The following IGSF21 variants were observed in gnomAD, a reference collection of about 807,000 sequenced individuals.
IGSF21 encodes immunoglobin superfamily member 21.
IGSF21 carries 28 observed loss-of-function variants against 46.8 expected under a neutral mutation model. That is an observed-to-expected ratio of 0.60 (90% CI 0.44 to 0.82). The LOEUF (loss-of-function observed/expected upper bound fraction) is 0.82. IGSF21 is among the 40% of genes least tolerant of loss of function. The pLI is 0.00. For missense variants in IGSF21, 624 were observed against 665.5 expected, an observed-to-expected ratio of 0.94 and a Z score of 0.69; for synonymous variants, 284 against 273.6, an observed-to-expected ratio of 1.04 and a Z score of -0.38.
chr1:18,325,998 TGAG>T lies in IGSF21; in HGVS notation c.306-8889_306-8887del, dbSNP rs1442486643. Among the ~76,000 whole-genome samples, 8 of 152,296 alleles carry T rather than the reference TGAG, an allele frequency of 5.3e-5. No individual in the cohort carries two copies. The South Asian group carries it at 1.0e-3, about 20-fold the overall frequency. On this transcript the variant is annotated intron_variant, in intron 3 of 9. Transcript: ENST00000251296. Reference sequence around the variant, plus strand: ...GCCACCTCTGCCAATTACACAGGTGTGAGGAGGTGGGGGGAAGAGCAGAGACCT... The same window carrying T: ...GCCACCTCTGCCAATTACACAGGTGTGAGGTGGGGGGAAGAGCAGAGACCT...
At chr1:18,190,023 T>C (rs1410894310) in intron 1 of IGSF21, among the ~76,000 whole-genome samples, 1 of 152,180 alleles carries the variant, frequency 6.6e-6, no homozygotes, top group Non-Finnish European at 1.5e-5. Flanking sequence ...GACTCCTCCC[T>C]TGGTGGGCCA....
chr1:18,137,509 A>C (rs1369505625), intron 1 of IGSF21, among the ~76,000 whole-genome samples: 1 of 152,152 alleles, frequency 6.6e-6, no homozygotes, highest in African/African-American at 2.4e-5. Context: ...GCTCTGAGAC[A>C]TGCAGTCACT....
intron 1 of IGSF21, among the ~76,000 whole-genome samples, chr1:18,190,013 G>C (rs966599661): frequency 6.6e-6 from 1 of 152,202 alleles, no homozygotes; most frequent in African/African-American, 2.4e-5. Flanking sequence ...GGGGGATGGG[G>C]ACTCCTCCCT....
chr1:18,300,764 C>T lies in IGSF21; in HGVS notation c.305+8777C>T, dbSNP rs983985176. Among the ~76,000 whole-genome samples, 8 of 152,130 alleles carry T rather than the reference C, an allele frequency of 5.3e-5. No individual in the cohort carries two copies. In the East Asian group the frequency reaches 1.5e-3, roughly 29 times the overall value. On this transcript the variant is annotated intron_variant, in intron 3 of 9. Coordinates refer to ENST00000251296, the MANE Select transcript of IGSF21 (RefSeq NM_032880.5). ...CAGAGATAGAGTGTGCGCATGCTTT[C>T]CAGCTAGAAGTTCCACTGGACCCAA...
intron 2 of IGSF21, among the ~76,000 whole-genome samples, chr1:18,242,875 C>T (rs944257663): frequency 2.6e-5 from 4 of 152,216 alleles, no homozygotes; most frequent in Non-Finnish European, 4.4e-5. Flanking sequence ...CCCTGGCTCA[C>T]ACTCTGCTGG....
At chr1:18,166,957 G>A (rs954999177) in intron 1 of IGSF21, 3 of 153,486 alleles carry the variant, frequency 2.0e-5, no homozygotes, top group East Asian at 1.9e-4. Flanking sequence ...CTGTCTACTC[G>A]AGAGTTTCTG....
At chr1:18,347,210 C>T (rs2085903232) in intron 4 of IGSF21, among the ~76,000 whole-genome samples, 1 of 151,640 alleles carries the variant, frequency 6.6e-6, no homozygotes, top group Admixed American at 6.6e-5. Flanking sequence ...GTGCCCTTGA[C>T]CATAGCCCAC....
chr1:18,187,907 G>A (rs1032889018), intron 1 of IGSF21, among the ~76,000 whole-genome samples: 1 of 152,122 alleles, frequency 6.6e-6, no homozygotes, highest in African/African-American at 2.4e-5. Flanking sequence ...TTTGTTAAAT[G>A]AATGAACAAA....
chr1:18,262,477 C>G (rs1033950453), intron 2 of IGSF21, among the ~76,000 whole-genome samples: 4 of 152,118 alleles, frequency 2.6e-5, no homozygotes, highest in African/African-American at 9.7e-5. Flanking sequence ...GCCTCAGTTT[C>G]CTCATTGAAA....
At chr1:18,328,926 A>C (rs988560043) in intron 3 of IGSF21, among the ~76,000 whole-genome samples, 1 of 152,184 alleles carries the variant, frequency 6.6e-6, no homozygotes, top group African/African-American at 2.4e-5. Flanking sequence ...TTGCTCAGCA[A>C]ACCTCAGTCA....
At chr1:18,307,270 CTTTAA>C (rs2085436057) in intron 3 of IGSF21, among the ~76,000 whole-genome samples, 1 of 152,164 alleles carries the variant, frequency 6.6e-6, no homozygotes, top group East Asian at 1.9e-4. Flanking sequence ...CTTTCGAACA[CTTTAA>C]TTTAACTTCC....
rs140111131 is a variant in IGSF21 at position 18,342,722 on chromosome 1, A to G, written c.424+7712A>G. Among the ~76,000 whole-genome samples, 997 of 152,310 alleles carry G rather than the reference A, an allele frequency of 6.5e-3. 7 individuals carry two copies. The highest frequency in any genetic ancestry group is 0.022 in the African/African-American group (926 of 41,564). On this transcript the variant is annotated intron_variant, in intron 4 of 9. Transcript: ENST00000251296. ...TTGTGGCTAGTTTCTTTCGCTTTGC[A>G]TAATGTCTTCAAGGTTCATCCATAT...
chr1:18,158,564 A>C (rs2086588231), intron 1 of IGSF21, among the ~76,000 whole-genome samples: 1 of 152,042 alleles, frequency 6.6e-6, no homozygotes, highest in African/African-American at 2.4e-5. Flanking sequence ...GTGCCTCCAG[A>C]AGCCATCCTT....
At chr1:18,125,025 C>A (rs1041742933) in intron 1 of IGSF21, among the ~76,000 whole-genome samples, 2 of 152,028 alleles carry the variant, frequency 1.3e-5, no homozygotes, top group Non-Finnish European at 2.9e-5. Flanking sequence ...AAAGTGTGGC[C>A]TCAGAGAGAA....
intron 2 of IGSF21, among the ~76,000 whole-genome samples, chr1:18,249,410 G>A (rs150235576): frequency 2.6e-4 from 40 of 152,244 alleles, no homozygotes; most frequent in Non-Finnish European, 4.1e-4. Flanking sequence ...TAGACACACC[G>A]CACAGTGAAC....
chr1:18,344,405 GGAA>G (rs2085872587), intron 4 of IGSF21, among the ~76,000 whole-genome samples: 1 of 152,072 alleles, frequency 6.6e-6, no homozygotes, highest in Non-Finnish European at 1.5e-5. Context: ...TTTTGACTTG[GGAA>G]GAAGAATACA....
intron 2 of IGSF21, among the ~76,000 whole-genome samples, chr1:18,273,440 TTCTCAC>T: frequency 8.5e-6 from 1 of 118,160 alleles, no homozygotes; most frequent in South Asian, 2.6e-4. Flanking sequence ...CTTTCTTTCT[TTCTCAC>T]TTTCTTTCTT....
chr1:18,319,420 C>G (rs1053377303), intron 3 of IGSF21, among the ~76,000 whole-genome samples: 1 of 152,198 alleles, frequency 6.6e-6, no homozygotes, highest in Non-Finnish European at 1.5e-5. Context: ...TTTGGGCAAC[C>G]ATGTGTCCAG....
At chr1:18,374,021 A>C (rs964006056) in intron 6 of IGSF21, among the ~76,000 whole-genome samples, 4 of 151,890 alleles carry the variant, frequency 2.6e-5, no homozygotes, top group African/African-American at 9.7e-5. Context: ...TAGAAGGGAA[A>C]GGTGTCTGCC....
Sources: allele counts gnomAD v4.1 joint callset (sites outside exome capture counted in the v4.1 genomes callset), GRCh38; gene constraint gnomAD v4.1.1; transcripts MANE v1.5; gene names NCBI Gene and HGNC (gene_info 2026-07-23, HGNC 2026-07-21).